Variants in USP9Y observed in about 807,000 individuals in gnomAD.
USP9Y encodes ubiquitin carboxyl-terminal hydrolase 9Y.
In USP9Y, 41 loss-of-function variants were observed where a neutral mutation model predicts 53.1. That is an observed-to-expected ratio of 0.77 (90% CI 0.60 to 1.00). USP9Y has a LOEUF of 1.00. Ranked by LOEUF, USP9Y falls within the 50% of genes least tolerant of loss-of-function variation. The pLI is 0.00. For missense variants in USP9Y, 567 were observed against 535.8 expected (o/e 1.06, Z -0.58); for synonymous variants, 220 against 173.7 (o/e 1.27, Z -2.09).
intron 1 of USP9Y, among the ~76,000 whole-genome samples, chrY:12,707,200 C>A: frequency 1.2e-4 from 4 of 33,535 alleles, no homozygotes; most frequent in Admixed American, 2.7e-4. Flanking sequence ...CTCACCGCAA[C>A]CTCTGCCTCC....
chrY:12,852,818 G>A (rs2053572566), intron 42 of USP9Y, among the ~76,000 whole-genome samples: 1 of 33,431 alleles, frequency 3.0e-5, no homozygotes, highest in Non-Finnish European at 7.4e-5. Flanking sequence ...CCCTCCAGAC[G>A]CTGTTTGCCT....
chrY:12,858,951 A>G (rs1044259616), intron 45 of USP9Y, among the ~76,000 whole-genome samples: 11 of 32,583 alleles, frequency 3.4e-4, no homozygotes, highest in African/African-American at 1.3e-3. Context: ...TGAACTTGTG[A>G]TCCGCCCACC....
chrY:12,799,903 C>CAGTGGCAAACTCCCTTTGA (rs2053517238), intron 27 of USP9Y, among the ~76,000 whole-genome samples: 1 of 33,514 alleles, frequency 3.0e-5, no homozygotes, highest in Non-Finnish European at 7.4e-5. Context: ...AGTCCCCTCC[C>CAGTGGCAAACTCCCTTTGA]GTTGTATAGG....
chrY:12,744,562 G>T, intron 12 of USP9Y, among the ~76,000 whole-genome samples: 1 of 33,629 alleles, frequency 3.0e-5, no homozygotes, highest in Admixed American at 2.7e-4. Flanking sequence ...GATCTTTCTG[G>T]TTAATTCCTG....
In USP9Y at chrY:12,791,292, G is replaced by A. The variant is rs747057656; in HGVS notation, c.3688-207G>A. ...CTTGGTGGGTATTGCTGTGTCTTCC[G>A]TTCATATGGGAAGCCATATTTTTTG... On this transcript the variant is annotated intron_variant, in intron 25 of 45. Coordinates refer to ENST00000338981, the MANE Select transcript of USP9Y (RefSeq NM_004654.4). Among the ~76,000 whole-genome samples the A allele has an allele frequency of 9.4e-4, 31 of 33,064 alleles. No individual in the cohort carries two copies. The East Asian group carries it at 0.014, about 15-fold the overall frequency. The allele number at this position is 33,064 out of a possible 37,273, so 88.7% of individuals were successfully genotyped here. A position where few individuals can be genotyped will look rare whatever the true frequency, so the allele number is the denominator to read the frequency against.
intron 20 of USP9Y, 119 bp from the exon 21 acceptor site, chrY:12,778,487 T>A: frequency 3.3e-5 from 8 of 242,983 alleles, no homozygotes; most frequent in South Asian, 2.9e-4. Flanking sequence ...CAGTAATTTT[T>A]AAATGTATTT....
intron 15 of USP9Y, among the ~76,000 whole-genome samples, chrY:12,769,382 T>G (rs752288694): frequency 8.8e-4 from 30 of 34,115 alleles, no homozygotes; most frequent in South Asian, 7.8e-3. Flanking sequence ...CCATCTTTAT[T>G]GCAAGTCAAG....
rs1363158309 is a variant in USP9Y at position 12,758,506 on chromosome Y, G to A, written c.1630G>A (p.Asp544Asn). 2.6e-6 allele frequency: 1 copy of A among 383,629 alleles called. No homozygotes were observed. Among genetic ancestry groups the A allele is most frequent in the Non-Finnish European group, 3.6e-6 (1 of 274,369 alleles). ...AGTATAAATTTTTTTCATGTATAAG[G>A]ATCGAGATGCACAGAAGATCCAGTG... ...IKILDYSCSQDRDAQKIQWID... is the reference protein window; with the variant it reads ...IKILDYSCSQNRDAQKIQWID... Residue 544 changes from aspartate to asparagine, a missense_variant and splice_region_variant, in exon 14 of 46, where the codon GAT becomes AAT. Physicochemically the swap from Asp to Asn is conservative, Grantham distance 23. Transcript: ENST00000338981.
intron 27 of USP9Y, among the ~76,000 whole-genome samples, chrY:12,805,671 G>C (rs556228216): frequency 9.0e-5 from 3 of 33,397 alleles, no homozygotes; most frequent in Admixed American, 2.7e-4. Context: ...CTATGAAATT[G>C]ATCAAATTTA....
intron 34 of USP9Y, among the ~76,000 whole-genome samples, chrY:12,835,447 A>T: frequency 3.0e-5 from 1 of 33,685 alleles, no homozygotes; most frequent in Non-Finnish European, 7.3e-5. Context: ...AGCAACTTGC[A>T]TAAGTCATTT....
chrY:12,789,033 A>G (rs763836412), intron 24 of USP9Y, among the ~76,000 whole-genome samples: 1 of 33,122 alleles, frequency 3.0e-5, no homozygotes, highest in Admixed American at 2.7e-4. Context: ...TGAAATTTTT[A>G]ATTCCATGAG....
chrY:12,711,421 T>C, intron 3 of USP9Y, among the ~76,000 whole-genome samples: 8 of 32,419 alleles, frequency 2.5e-4, no homozygotes, highest in Non-Finnish European at 5.3e-4. Flanking sequence ...GTAGTTTTTT[T>C]CTGCTTACTT....
At chrY:12,790,328 A>AT (rs2053506321) in intron 24 of USP9Y, 79 bp from the exon 25 acceptor site, 2 of 322,325 alleles carry the variant, frequency 6.2e-6, no homozygotes, top group African/African-American at 1.4e-4. Flanking sequence ...AGGAGTAAAA[A>AT]TTTTTTTAAT....
rs1409676397 is a variant in USP9Y, at chrY:12,736,426, C to T, written c.1041C>T (p.Ser347=). 2.6e-6 allele frequency: 1 copy of T among 391,357 alleles called. No individual in the cohort carries two copies. Among genetic ancestry groups the T allele is most frequent in the Middle Eastern group, 6.2e-4 (1 of 1,606 alleles). ...TTTCTCATAGATTGTTGCAAATTTC[C>T]TCTTTTAATGGAAAGATGAATGCAC... ...LKMILRLLQI[S]SFNGKMNALN... Residue 347 remains serine, a synonymous_variant, in exon 10 of 46, where the codon TCC becomes TCT. Transcript: ENST00000338981.
At position 12,712,572 on chromosome Y, in the gene USP9Y, A is replaced by G. The variant is rs1038989590; in HGVS notation, c.96+3029A>G. Among the ~76,000 whole-genome samples, 3 of 32,841 alleles carry G rather than the reference A, an allele frequency of 9.1e-5. No individual in the cohort carries two copies. The South Asian group carries it at 2.0e-3, about 22-fold the overall frequency. 88.1% of individuals were successfully genotyped at this position (32,841 alleles called of 37,273 possible). On this transcript the variant is annotated intron_variant, in intron 3 of 45. Transcript: ENST00000338981. Reference sequence around the variant, plus strand: ...TCTTTATATTTAAAGTGGGTTTCCTATGGACAGCATATAGTTGACTTTTGT... The same window carrying G: ...TCTTTATATTTAAAGTGGGTTTCCTGTGGACAGCATATAGTTGACTTTTGT...
At chrY:12,704,885 C>T in intron 1 of USP9Y, among the ~76,000 whole-genome samples, 1 of 32,817 alleles carries the variant, frequency 3.0e-5, no homozygotes, top group African/African-American at 1.2e-4. Context: ...ATTTTTTCCT[C>T]TTTATGTAAG....
chrY:12,760,985 G>A (rs2053474917), intron 15 of USP9Y, among the ~76,000 whole-genome samples: 1 of 34,020 alleles, frequency 2.9e-5, no homozygotes, highest in African/African-American at 1.1e-4. Flanking sequence ...TGAGGGGAAC[G>A]GAGTCTCACT....
chrY:12,739,583 G>A lies in USP9Y; in HGVS notation c.1376G>A (p.Trp459Ter). ...NVHDLLAKLA[W>*]DFSPGQLDHL... is the part of the protein sequence containing the mutation. ...CATGATCTGCTAGCAAAGTTGGCTT[G>A]GGATTTTTCTCCTGGACAACTTGAT... Residue 459 changes from tryptophan to a stop codon, truncating the protein, a stop_gained, in exon 12 of 46, where the codon TGG (tryptophan) becomes TAG (stop). Transcript: ENST00000338981. LOFTEE classifies it high-confidence loss of function. The A allele has an allele frequency of 2.5e-6, 1 of 396,132 alleles. No homozygotes were observed. The highest frequency in any genetic ancestry group is 3.5e-6 in the Non-Finnish European group (1 of 281,751).
At chrY:12,820,479 T>C (rs2053540411) in intron 33 of USP9Y, among the ~76,000 whole-genome samples, 1 of 33,984 alleles carries the variant, frequency 2.9e-5, no homozygotes, top group Non-Finnish European at 7.3e-5. Flanking sequence ...CTCCCCATTA[T>C]ATCTCTCAGT....
Sources: gnomAD v4.1 joint callset for allele counts (sites outside exome capture counted in the v4.1 genomes callset) on GRCh38, gnomAD v4.1.1 for gene constraint, MANE v1.5 for transcripts, NCBI Gene and HGNC (gene_info 2026-07-23, HGNC 2026-07-21) for gene names.